RTN1: variants seen among roughly 807,000 people sequenced by gnomAD.
RTN1 encodes reticulon-1.
RTN1 carries 25 observed loss-of-function variants against 65.5 expected under a neutral mutation model. The ratio of observed to expected loss-of-function variants is 0.38; its 90% confidence interval spans 0.28 to 0.53. The LOEUF is 0.53. RTN1 is among the 20% of genes least tolerant of loss of function. The pLI, the probability that RTN1 is intolerant of heterozygous loss-of-function variation, is 0.79. For missense variants in RTN1, 983 were observed against 1,025.4 expected (o/e 0.96, Z 0.57); for synonymous variants, 471 against 447.6 (o/e 1.05, Z -0.66).
chr14:59,649,858 T>C (rs2140198460), intron 3 of RTN1, among the ~76,000 whole-genome samples: 2 of 152,334 alleles, frequency 1.3e-5, no homozygotes, highest in South Asian at 4.1e-4. Flanking sequence ...CTCAAGGATT[T>C]AGAACCAGAA....
At chr14:59,828,237 T>C (rs550327761) in intron 1 of RTN1, among the ~76,000 whole-genome samples, 1 of 152,354 alleles carries the variant, frequency 6.6e-6, no homozygotes, top group African/African-American at 2.4e-5. Context: ...AGCTAAAGAA[T>C]TAAAATATGA....
intron 3 of RTN1, among the ~76,000 whole-genome samples, chr14:59,705,483 T>A (rs1884271790): frequency 6.6e-6 from 1 of 152,208 alleles, no homozygotes; most frequent in African/African-American, 2.4e-5. Context: ...ATGATTCTTT[T>A]TATGTGCCTC....
At chr14:59,753,453 T>G (rs1041435790) in intron 1 of RTN1, among the ~76,000 whole-genome samples, 4 of 152,174 alleles carry the variant, frequency 2.6e-5, no homozygotes, top group Non-Finnish European at 5.9e-5. Context: ...AGAATCATCA[T>G]AAAAACAAAG....
Position 59,762,130 on chromosome 14 carries a change from A to T in RTN1, c.242-15649T>A, listed in dbSNP as rs6573283. On this transcript the variant is annotated intron_variant, in intron 1 of 8. Transcript: ENST00000267484. ...GGGATGATGCAGCAGGGCATGGCAT[A>T]GTGTGTGGTGTGGTATGCTTCATGG... Among the ~76,000 whole-genome samples, 4 of 151,914 alleles carry T rather than the reference A, an allele frequency of 2.6e-5. No individual in the cohort carries two copies. The South Asian group carries it at 8.3e-4, about 32-fold the overall frequency.
At chr14:59,826,765 A>G (rs1339946115) in intron 1 of RTN1, among the ~76,000 whole-genome samples, 1 of 152,196 alleles carries the variant, frequency 6.6e-6, no homozygotes, top group Non-Finnish European at 1.5e-5. Context: ...GCCAGGCTCT[A>G]TATCAGTCTC....
chr14:59,744,531 G>A (rs1885177074), intron 2 of RTN1, among the ~76,000 whole-genome samples: 2 of 152,180 alleles, frequency 1.3e-5, no homozygotes, highest in African/African-American at 2.4e-5. Flanking sequence ...GAAAGAGAAT[G>A]TTCAAGTTAA....
chr14:59,658,178 T>C (rs1883164110), intron 3 of RTN1, among the ~76,000 whole-genome samples: 1 of 152,228 alleles, frequency 6.6e-6, no homozygotes. Flanking sequence ...GCAAAGCCAC[T>C]GTAGACGGAC....
chr14:59,690,034 T>C (rs1190871116), intron 3 of RTN1, among the ~76,000 whole-genome samples: 1 of 151,794 alleles, frequency 6.6e-6, no homozygotes, highest in East Asian at 1.9e-4. Flanking sequence ...AACAGGATGG[T>C]CTTGAACTCT....
At chr14:59,670,023 G>T (rs1883469089) in intron 3 of RTN1, among the ~76,000 whole-genome samples, 1 of 152,186 alleles carries the variant, frequency 6.6e-6, no homozygotes, top group Non-Finnish European at 1.5e-5. Flanking sequence ...CACTTTGAAA[G>T]TGTGCAACGA....
chr14:59,769,406 C>A (rs1033722291), intron 1 of RTN1, among the ~76,000 whole-genome samples: 4 of 152,110 alleles, frequency 2.6e-5, no homozygotes, highest in Non-Finnish European at 5.9e-5. Flanking sequence ...AAACATTTAC[C>A]ACTAAGCCTC....
In RTN1 at chr14:59,682,468, T is replaced by C. The variant is rs113691132; in HGVS notation, c.1765+44451A>G. 5.3e-3 allele frequency among the ~76,000 whole-genome samples: 812 copies of C among 152,326 alleles called. 5 individuals are homozygous for C. Among genetic ancestry groups the C allele is most frequent in the African/African-American group, 0.017 (692 of 41,582 alleles). ...TGTTGAAGTTTATACCTATGTCTCC[T>C]TTGAATTGCTAGAGGGCAGGAACTG... On this transcript the variant is annotated intron_variant, in intron 3 of 8. Transcript: ENST00000267484.
chr14:59,866,242 A>G (rs1251755145), intron 1 of RTN1, among the ~76,000 whole-genome samples: 1 of 152,182 alleles, frequency 6.6e-6, no homozygotes, highest in Non-Finnish European at 1.5e-5. Flanking sequence ...GAGGCATTTA[A>G]CATAAGTCTA....
rs918686192 is a variant in RTN1, at chr14:59,846,929, C to T, written c.241+23461G>A. On this transcript the variant is annotated intron_variant, in intron 1 of 8. Coordinates refer to ENST00000267484, the MANE Select transcript of RTN1 (RefSeq NM_021136.3). The surrounding 1 kb of genome is among the most constrained non-coding windows in gnomAD (Gnocchi z 4.8). ...TAAATGCAAATGAAGAGCTCTGTAC[C>T]CCTTCATCACCATTCTAGAAACCTA... 6.6e-5 allele frequency among the ~76,000 whole-genome samples: 10 copies of T among 152,094 alleles called. No individual in the cohort carries two copies. Among genetic ancestry groups the T allele is most frequent in the African/African-American group, 2.4e-4 (10 of 41,422 alleles).
intron 3 of RTN1, among the ~76,000 whole-genome samples, chr14:59,657,864 C>G (rs7143836): frequency 0.4 from 61,207 of 152,000 alleles, 12,908 homozygotes; most frequent in African/African-American, 0.51. Flanking sequence ...TTTTCATACC[C>G]CAGTGGCACA....
chr14:59,744,392 G>C (rs138481514), intron 2 of RTN1, among the ~76,000 whole-genome samples: 1 of 152,304 alleles, frequency 6.6e-6, no homozygotes, highest in African/African-American at 2.4e-5. Flanking sequence ...CTGGAGAGAA[G>C]AGAGTGGCAC....
At chr14:59,711,798 G>A (rs1438713606) in intron 3 of RTN1, among the ~76,000 whole-genome samples, 1 of 152,212 alleles carries the variant, frequency 6.6e-6, no homozygotes, top group Non-Finnish European at 1.5e-5. Flanking sequence ...TCTAAGACAA[G>A]AGATCATTGT....
chr14:59,751,876 C>T (rs879383106), intron 1 of RTN1, among the ~76,000 whole-genome samples: 1 of 152,172 alleles, frequency 6.6e-6, no homozygotes, highest in Non-Finnish European at 1.5e-5. Context: ...TGTAGCCTGG[C>T]ATTTGAGACC....
At chr14:59,642,249 G>A (rs1882797068) in intron 3 of RTN1, among the ~76,000 whole-genome samples, 1 of 152,028 alleles carries the variant, frequency 6.6e-6, no homozygotes, top group Admixed American at 6.6e-5. Flanking sequence ...TGTTATGACT[G>A]TTTTTAAGAT....
intron 1 of RTN1, among the ~76,000 whole-genome samples, chr14:59,802,880 C>A (rs74398283): frequency 1.5e-3 from 235 of 152,190 alleles, no homozygotes; most frequent in Non-Finnish European, 1.9e-3. Flanking sequence ...AGGTACCAGC[C>A]TTTTGCCTGT....
Sources: gnomAD v4.1 joint callset for allele counts (sites outside exome capture counted in the v4.1 genomes callset) on GRCh38, gnomAD v4.1.1 for gene constraint, Gnocchi (gnomAD v3.1) non-coding constraint, MANE v1.5 for transcripts, NCBI Gene and HGNC (gene_info 2026-07-23, HGNC 2026-07-21) for gene names.